The following BTC variants were observed in gnomAD, a reference collection of about 807,000 sequenced individuals.
BTC encodes probetacellulin.
In BTC, 13 loss-of-function variants were observed where a neutral mutation model predicts 18.1. The observed-to-expected ratio is 0.72, with a 90% CI of 0.47 to 1.14. The LOEUF is 1.14. Among genes scored for constraint, BTC ranks in the 50% most tolerant of loss-of-function variants. The probability of loss-of-function intolerance (pLI) is 0.00; values close to 1 mark genes in which losing one functional copy is unlikely to be tolerated. For missense variants in BTC, 247 were observed against 224.2 expected (o/e 1.10, Z -0.65); for synonymous variants, 83 against 79.4 (o/e 1.05, Z -0.24).
At chr4:74,758,582 T>C (rs1724664987) in intron 2 of BTC, among the ~76,000 whole-genome samples, 1 of 152,172 alleles carries the variant, frequency 6.6e-6, no homozygotes, top group Non-Finnish European at 1.5e-5. Context: ...TTTGGCTATG[T>C]ATCCTAAACT....
At chr4:74,763,934 T>G (rs1724831416) in intron 2 of BTC, among the ~76,000 whole-genome samples, 1 of 152,114 alleles carries the variant, frequency 6.6e-6, no homozygotes, top group Non-Finnish European at 1.5e-5. Flanking sequence ...CACTGCACAT[T>G]GTATACATGT....
chr4:74,748,352 C>T (rs181869233), intron 4 of BTC, among the ~76,000 whole-genome samples: 228 of 152,100 alleles, frequency 1.5e-3, no homozygotes, highest in East Asian at 6.4e-3. Flanking sequence ...ATTGAGACCA[C>T]GCTGAAACCC....
intron 2 of BTC, among the ~76,000 whole-genome samples, chr4:74,764,997 C>T (rs923936167): frequency 2.8e-5 from 3 of 107,758 alleles, no homozygotes; most frequent in Middle Eastern, 4.7e-3. Flanking sequence ...CATCAGGACT[C>T]GTGAGACTTA....
At chr4:74,759,184 C>T (rs1485197681) in intron 2 of BTC, among the ~76,000 whole-genome samples, 4 of 152,104 alleles carry the variant, frequency 2.6e-5, no homozygotes, top group African/African-American at 9.7e-5. Context: ...GGGGAATATA[C>T]CCATCCATTC....
At chr4:74,784,227 C>G (rs374473522) in intron 1 of BTC, among the ~76,000 whole-genome samples, 5 of 140,254 alleles carry the variant, frequency 3.6e-5, no homozygotes, top group African/African-American at 1.4e-4. Flanking sequence ...GAGAGATTCT[C>G]TCTCGAAAAA....
chr4:74,765,973 G>A (rs1259218043), intron 2 of BTC, among the ~76,000 whole-genome samples: 1 of 152,038 alleles, frequency 6.6e-6, no homozygotes, highest in African/African-American at 2.4e-5. Context: ...ATAGCTTATT[G>A]CTCTGAGGCT....
intron 1 of BTC, among the ~76,000 whole-genome samples, chr4:74,786,167 A>G (rs1409984899): frequency 1.3e-5 from 2 of 152,212 alleles, no homozygotes; most frequent in Non-Finnish European, 2.9e-5. Flanking sequence ...CTCAGATGGC[A>G]TTTCAGTAGG....
intron 2 of BTC, among the ~76,000 whole-genome samples, chr4:74,757,147 A>G (rs1432373874): frequency 6.6e-6 from 1 of 152,184 alleles, no homozygotes. Context: ...TAGGTTTGGT[A>G]TGGCACCTGG....
At chr4:74,787,756 A>G (rs1331709650) in intron 1 of BTC, among the ~76,000 whole-genome samples, 1 of 152,228 alleles carries the variant, frequency 6.6e-6, no homozygotes, top group African/African-American at 2.4e-5. Flanking sequence ...GAAGCTACTT[A>G]ATCTTTCACA....
At chr4:74,790,060 C>G (rs925248433) in intron 1 of BTC, among the ~76,000 whole-genome samples, 5 of 152,118 alleles carry the variant, frequency 3.3e-5, no homozygotes, top group Non-Finnish European at 1.5e-5. Flanking sequence ...CAAACCCAGT[C>G]AAAATAAAAC....
intron 1 of BTC, among the ~76,000 whole-genome samples, chr4:74,776,304 C>A (rs1264110297): frequency 6.6e-6 from 1 of 151,970 alleles, no homozygotes; most frequent in African/African-American, 2.4e-5. Flanking sequence ...TTATCCATAC[C>A]TCCCTGTTTT....
intron 2 of BTC, among the ~76,000 whole-genome samples, chr4:74,764,290 T>C (rs1553957623): frequency 6.6e-6 from 1 of 152,212 alleles, no homozygotes; most frequent in African/African-American, 2.4e-5. Context: ...AACTGGCTTT[T>C]ACACAATGAG....
In BTC at chr4:74,791,969, T is replaced by TCACACACA. The variant is rs3087019; in HGVS notation, c.64+2285_64+2292dup. 1.7e-3 allele frequency among the ~76,000 whole-genome samples: 232 copies of TCACACACA among 134,238 alleles called. 1 individual carries two copies. The Middle Eastern group carries it at 0.028, about 16-fold the overall frequency. The allele number at this position is 134,238 out of a possible 152,430, so 88.1% of individuals were successfully genotyped here. A position where few individuals can be genotyped will look rare whatever the true frequency, so the allele number is the denominator to read the frequency against. On this transcript the variant is annotated intron_variant, in intron 1 of 5. Coordinates refer to ENST00000395743, the MANE Select transcript of BTC (RefSeq NM_001729.4). ...CCACTCTCATCGCATTTCCACCATC[T>TCACACACA]CACACACACACACACACACACACAC... is the stretch of plus-strand genomic sequence containing the variant.
chr4:74,757,215 A>G (rs1244054384), intron 2 of BTC, among the ~76,000 whole-genome samples: 1 of 152,198 alleles, frequency 6.6e-6, no homozygotes, highest in Non-Finnish European at 1.5e-5. Context: ...AAATATCTTA[A>G]TTAATATTAT....
At chr4:74,785,058 GC>G (rs1725443595) in intron 1 of BTC, among the ~76,000 whole-genome samples, 1 of 152,028 alleles carries the variant, frequency 6.6e-6, no homozygotes, top group African/African-American at 2.4e-5. Flanking sequence ...CAGGTCCTGG[GC>G]TTTTTTTGGT....
chr4:74,748,440 G>A (rs1378196228), intron 4 of BTC, among the ~76,000 whole-genome samples: 1 of 151,978 alleles, frequency 6.6e-6, no homozygotes, highest in African/African-American at 2.4e-5. Flanking sequence ...GGAGGCTGAG[G>A]CAGGAGAATG....
At chr4:74,755,080 A>G (rs1553956541) in intron 3 of BTC, among the ~76,000 whole-genome samples, 1 of 152,112 alleles carries the variant, frequency 6.6e-6, no homozygotes, top group African/African-American at 2.4e-5. Context: ...TAAAAAGTTC[A>G]TGACCCTTAA....
intron 2 of BTC, among the ~76,000 whole-genome samples, chr4:74,756,678 C>T (rs1724609445): frequency 6.6e-6 from 1 of 152,208 alleles, no homozygotes; most frequent in Non-Finnish European, 1.5e-5. Flanking sequence ...GATGCATCCA[C>T]AAGTCACACC....
At chr4:74,786,008 G>C (rs953193340) in intron 1 of BTC, among the ~76,000 whole-genome samples, 2 of 152,110 alleles carry the variant, frequency 1.3e-5, no homozygotes, top group Admixed American at 6.6e-5. Context: ...ATGAGATAAT[G>C]GGTATTAAAA....
Sources: gnomAD v4.1 joint callset for allele counts (sites outside exome capture counted in the v4.1 genomes callset) on GRCh38, gnomAD v4.1.1 for gene constraint, MANE v1.5 for transcripts, NCBI Gene and HGNC (gene_info 2026-07-23, HGNC 2026-07-21) for gene names.